The following PLA2G4A variants were observed in gnomAD, a reference collection of about 807,000 sequenced individuals.
The protein encoded by PLA2G4A is cytosolic phospholipase A2.
Under a neutral mutation model 81.9 loss-of-function variants are expected in PLA2G4A, and 40 were observed. The observed-to-expected ratio is 0.49, with a 90% CI of 0.38 to 0.64. PLA2G4A has a LOEUF of 0.64. Ranked by LOEUF, PLA2G4A falls within the 30% of genes least tolerant of loss-of-function variation. The pLI is 0.00. For synonymous variants in PLA2G4A, 302 were observed against 296.9 expected, an observed-to-expected ratio of 1.02 and a Z score of -0.18; for missense variants, 715 against 905.1, an observed-to-expected ratio of 0.79 and a Z score of 2.69.
intron 5 of PLA2G4A, among the ~76,000 whole-genome samples, chr1:186,901,900 T>C (rs1448176368): frequency 6.6e-6 from 1 of 152,164 alleles, no homozygotes; most frequent in Non-Finnish European, 1.5e-5. Flanking sequence ...AGATGATTCA[T>C]GGTAGGAAAA....
chr1:186,866,048 A>C (rs1329595161), intron 2 of PLA2G4A, among the ~76,000 whole-genome samples: 1 of 152,144 alleles, frequency 6.6e-6, no homozygotes, highest in African/African-American at 2.4e-5. Flanking sequence ...TCTGCCAACT[A>C]CCAGCCACCA....
chr1:186,904,431 C>T (rs930059512), intron 5 of PLA2G4A, among the ~76,000 whole-genome samples: 1 of 152,180 alleles, frequency 6.6e-6, no homozygotes, highest in Non-Finnish European at 1.5e-5. Flanking sequence ...ACAGGAAGTA[C>T]GTTTTTATCT....
chr1:186,883,369 G>A (rs950238993), intron 3 of PLA2G4A, among the ~76,000 whole-genome samples: 2 of 152,030 alleles, frequency 1.3e-5, no homozygotes, highest in Non-Finnish European at 2.9e-5. Context: ...GGATATGAAG[G>A]AATGCATTGT....
At chr1:186,941,322 T>C (rs1385384498) in intron 10 of PLA2G4A, among the ~76,000 whole-genome samples, 2 of 152,190 alleles carry the variant, frequency 1.3e-5, no homozygotes, top group South Asian at 2.1e-4. Flanking sequence ...AATCCTTTTG[T>C]AATTTTCACT....
intron 3 of PLA2G4A, among the ~76,000 whole-genome samples, chr1:186,874,346 A>C (rs1409390274): frequency 6.9e-6 from 1 of 145,274 alleles, no homozygotes; most frequent in African/African-American, 2.6e-5. Flanking sequence ...ACACAAATGC[A>C]ATAGCTACCT....
At chr1:186,906,881 C>T in intron 5 of PLA2G4A, 84 bp from the exon 6 acceptor site, 3 of 737,994 alleles carry the variant, frequency 4.1e-6, no homozygotes, top group Non-Finnish European at 7.2e-6. Flanking sequence ...TAATCTGGCA[C>T]TCAAAATTTA....
At chr1:186,934,463 T>TATATATATATATATAC (rs368585350) in intron 8 of PLA2G4A, among the ~76,000 whole-genome samples, 19 of 143,512 alleles carry the variant, frequency 1.3e-4, no homozygotes, top group African/African-American at 3.3e-4. Flanking sequence ...TATATATATA[T>TATATATATATATATAC]ACATACACAG....
chr1:186,894,975 G>A (rs901468353), intron 5 of PLA2G4A, among the ~76,000 whole-genome samples: 7 of 152,018 alleles, frequency 4.6e-5, no homozygotes, highest in Non-Finnish European at 8.8e-5. Context: ...GTGTCTCTGC[G>A]CATCTTTAGA....
intron 14 of PLA2G4A, 98 bp from the exon 15 acceptor site, chr1:186,965,311 A>C (rs762320162): frequency 1.1e-6 from 1 of 898,194 alleles, no homozygotes; most frequent in South Asian, 1.4e-5. Context: ...GGGCCTAATC[A>C]TATGAAATTC....
chr1:186,852,329 A>G (rs1472292894), intron 1 of PLA2G4A, among the ~76,000 whole-genome samples: 1 of 152,046 alleles, frequency 6.6e-6, no homozygotes, highest in Admixed American at 6.6e-5. Context: ...TCCACTGGAA[A>G]GATGATATTG....
At position 186,976,846 on chromosome 1, in the gene PLA2G4A, C is replaced by T. The variant is rs148970358; in HGVS notation, c.1765-747C>T. Among the ~76,000 whole-genome samples the T allele has an allele frequency of 2.1e-3, 314 of 152,322 alleles. 4 individuals carry two copies. Among genetic ancestry groups the T allele is most frequent in the African/African-American group, 7.2e-3 (300 of 41,582 alleles). ...GAATCTCCGTAGCTGACTGCGAACA[C>T]GTATTTCTTGGCCACTTACATGCCA... On this transcript the variant is annotated intron_variant, in intron 15 of 17. Coordinates refer to ENST00000367466, the MANE Select transcript of PLA2G4A (RefSeq NM_024420.3).
chr1:186,933,957 T>C (rs191831253), intron 8 of PLA2G4A, among the ~76,000 whole-genome samples: 17 of 152,280 alleles, frequency 1.1e-4, no homozygotes, highest in African/African-American at 3.8e-4. Flanking sequence ...TTAAATGTTT[T>C]GAATCAGATT....
intron 1 of PLA2G4A, among the ~76,000 whole-genome samples, chr1:186,831,542 T>C (rs1651590675): frequency 6.6e-6 from 1 of 152,168 alleles, no homozygotes; most frequent in Non-Finnish European, 1.5e-5. Flanking sequence ...AGTTATTTTT[T>C]ATTGGATTGT....
At chr1:186,858,172 G>T (rs1652661718) in intron 2 of PLA2G4A, among the ~76,000 whole-genome samples, 2 of 152,136 alleles carry the variant, frequency 1.3e-5, no homozygotes, top group Admixed American at 1.3e-4. Flanking sequence ...GATCCCTGAG[G>T]AATCGCCACA....
chr1:186,963,042 T>C lies in PLA2G4A; in HGVS notation c.1580-2367T>C, dbSNP rs1001301340. 7.9e-5 allele frequency among the ~76,000 whole-genome samples: 12 copies of C among 152,316 alleles called. No individual in the cohort carries two copies. In the South Asian group the frequency reaches 2.5e-3, roughly 32 times the overall value. Reference sequence around the variant, plus strand: ...TGGCTACCTCCTTTGTAAGATTGTTTCCTTATCTTTAAAATGGCTGTCTCC... The same window carrying C: ...TGGCTACCTCCTTTGTAAGATTGTTCCCTTATCTTTAAAATGGCTGTCTCC... On this transcript the variant is annotated intron_variant, in intron 14 of 17. Transcript: ENST00000367466.
intron 7 of PLA2G4A, among the ~76,000 whole-genome samples, chr1:186,925,705 A>G (rs549740669): frequency 1.3e-5 from 2 of 152,298 alleles, no homozygotes; most frequent in Admixed American, 6.5e-5. Context: ...TTTACCCCTA[A>G]GTCTAAGCTA....
chr1:186,835,782 A>G (rs1651757182), intron 1 of PLA2G4A, among the ~76,000 whole-genome samples: 1 of 152,230 alleles, frequency 6.6e-6, no homozygotes, highest in Admixed American at 6.5e-5. Flanking sequence ...AGACAATGCC[A>G]CTAACCCATT....
intron 3 of PLA2G4A, among the ~76,000 whole-genome samples, chr1:186,880,979 T>A (rs1008584379): frequency 6.6e-6 from 1 of 152,044 alleles, no homozygotes; most frequent in Non-Finnish European, 1.5e-5. Flanking sequence ...TTCTCCCCAT[T>A]TTCCCATGAA....
At chr1:186,909,031 T>C (rs1395207785) in intron 6 of PLA2G4A, among the ~76,000 whole-genome samples, 2 of 134,618 alleles carry the variant, frequency 1.5e-5, no homozygotes, top group East Asian at 4.5e-4. Flanking sequence ...TGGAGTGCAG[T>C]GGCGCGATCT....
Sources: allele counts gnomAD v4.1 joint callset (sites outside exome capture counted in the v4.1 genomes callset), GRCh38; gene constraint gnomAD v4.1.1; transcripts MANE v1.5; gene names NCBI Gene and HGNC (gene_info 2026-07-23, HGNC 2026-07-21).